The following SEMA3D variants were observed in gnomAD, a reference collection of about 807,000 sequenced individuals.
The protein encoded by SEMA3D is semaphorin 3D.
Under a neutral mutation model 100.1 loss-of-function variants are expected in SEMA3D, and 84 were observed. The ratio of observed to expected loss-of-function variants is 0.84; its 90% CI spans 0.70 to 1.01. The LOEUF is 1.01. Ranked by LOEUF, SEMA3D falls within the 50% of genes least tolerant of loss-of-function variation. The pLI, the probability that SEMA3D is intolerant of heterozygous loss-of-function variation, is 0.00. For synonymous variants in SEMA3D, 312 were observed against 320.7 expected (o/e 0.97, Z 0.29); for missense variants, 875 against 934.1 (o/e 0.94, Z 0.82).
intron 9 of SEMA3D, among the ~76,000 whole-genome samples, chr7:85,042,737 T>G (rs1218098405): frequency 1.3e-5 from 2 of 152,122 alleles, no homozygotes; most frequent in African/African-American, 4.8e-5. Flanking sequence ...CAGTAATTAT[T>G]CACAGGCAAG....
At chr7:85,243,604 CTTG>C in the SEMA3D span, among the ~76,000 whole-genome samples, 4 of 152,178 alleles carry the variant, frequency 2.6e-5, no homozygotes, top group South Asian at 4.1e-4. Context: ...CAGCTTTTTA[CTTG>C]TTGTTAAGAT....
the SEMA3D span, among the ~76,000 whole-genome samples, chr7:85,209,501 T>C: frequency 1.3e-5 from 2 of 152,020 alleles, no homozygotes; most frequent in Non-Finnish European, 2.9e-5. Flanking sequence ...ACCATCATAA[T>C]GCATCACCAC....
the SEMA3D span, among the ~76,000 whole-genome samples, chr7:85,204,518 T>C: frequency 6.6e-6 from 1 of 152,056 alleles, no homozygotes; most frequent in Non-Finnish European, 1.5e-5. Flanking sequence ...TACTAAGTAA[T>C]AACAATTTTA....
At chr7:85,048,553 C>T (rs1791072048) in intron 9 of SEMA3D, among the ~76,000 whole-genome samples, 1 of 151,828 alleles carries the variant, frequency 6.6e-6, no homozygotes, top group Admixed American at 6.6e-5. Flanking sequence ...TGTTTTGATA[C>T]ATTAAGTGAA....
At chr7:85,236,263 G>GTATTT in the SEMA3D span, among the ~76,000 whole-genome samples, 441 of 142,214 alleles carry the variant, frequency 3.1e-3, 1 homozygote, top group African/African-American at 1.0e-2. Flanking sequence ...AGATGATTTA[G>GTATTT]TATTTTATTT....
chr7:85,031,814 A>C (rs1243067219), intron 12 of SEMA3D, among the ~76,000 whole-genome samples: 1 of 151,990 alleles, frequency 6.6e-6, no homozygotes, highest in Non-Finnish European at 1.5e-5. Context: ...TTTGATCAAA[A>C]TATTCTGGAT....
In SEMA3D at chr7:85,068,218, G is replaced by A; in HGVS notation, c.562C>T (p.Gln188Ter). Residue 188 changes from glutamine to a stop codon, truncating the protein, a stop_gained, in exon 7 of 19, where the codon CAG becomes TAG. Transcript: ENST00000284136. LOFTEE classifies it high-confidence loss of function. Reference sequence around the variant, plus strand: ...GTCATTACTGAAGCAAAAGGCTGCTGAGGATCGAAAGGACATTTCAGTCTG... The same window carrying A: ...GTCATTACTGAAGCAAAAGGCTGCTAAGGATCGAAAGGACATTTCAGTCTG... ...SGRLKCPFDPQQPFASVMTDE... is the reference protein window; with the variant it reads ...SGRLKCPFDP The A allele has an allele frequency of 6.2e-7, 1 of 1,606,154 alleles. No homozygotes were observed. Among genetic ancestry groups the A allele is most frequent in the South Asian group, 1.1e-5 (1 of 90,902 alleles).
At chr7:85,231,758 C>G in the SEMA3D span, among the ~76,000 whole-genome samples, 1 of 152,062 alleles carries the variant, frequency 6.6e-6, no homozygotes, top group Non-Finnish European at 1.5e-5. Context: ...CCTGGGGTTT[C>G]TTATACAGTA....
chr7:85,042,074 A>G (rs1230439421), intron 10 of SEMA3D, 97 bp downstream of exon 10: 1 of 881,096 alleles, frequency 1.1e-6, no homozygotes, highest in African/African-American at 1.7e-5. Context: ...TGCTCAGGTA[A>G]AATTAATCAG....
At chr7:85,193,592 T>G in the SEMA3D span, among the ~76,000 whole-genome samples, 1 of 152,090 alleles carries the variant, frequency 6.6e-6, no homozygotes, top group Admixed American at 6.6e-5. Flanking sequence ...CCTACCACTT[T>G]GCAAGTAGAA....
In SEMA3D at chr7:85,080,193, T is replaced by C. The variant is rs76766590; in HGVS notation, c.375+1324A>G. ...CAACTATTTTGCTTTGTATTTACTA[T>C]GTAGAAGTCATCATTTGAGCAGTAT... On this transcript the variant is annotated intron_variant, in intron 5 of 18. Coordinates refer to ENST00000284136, the MANE Select transcript of SEMA3D (RefSeq NM_001384900.1). 5.0e-3 allele frequency among the ~76,000 whole-genome samples: 762 copies of C among 152,338 alleles called. 10 individuals carry two copies. Among genetic ancestry groups the C allele is most frequent in the African/African-American group, 0.018 (731 of 41,576 alleles).
chr7:85,072,690 G>A (rs1423589063), intron 6 of SEMA3D, among the ~76,000 whole-genome samples: 1 of 152,132 alleles, frequency 6.6e-6, no homozygotes, highest in Non-Finnish European at 1.5e-5. Context: ...CTAGGAACAT[G>A]AGTTACTATA....
chr7:85,053,793 T>C (rs1473157738), intron 9 of SEMA3D, among the ~76,000 whole-genome samples: 1 of 152,052 alleles, frequency 6.6e-6, no homozygotes, highest in African/African-American at 2.4e-5. Context: ...ATACACTAAT[T>C]AATGAAGAAC....
chr7:85,108,341 C>A (rs186492089), intron 3 of SEMA3D, among the ~76,000 whole-genome samples: 1 of 151,964 alleles, frequency 6.6e-6, no homozygotes, highest in Non-Finnish European at 1.5e-5. Context: ...TTATTGCCAT[C>A]TTATTAATAA....
chr7:85,182,558 A>G (rs1484443186), intron 1 of SEMA3D, among the ~76,000 whole-genome samples: 1 of 152,192 alleles, frequency 6.6e-6, no homozygotes, highest in African/African-American at 2.4e-5. Flanking sequence ...CTAGTAAGAG[A>G]TCATAACAAC....
intron 1 of SEMA3D, among the ~76,000 whole-genome samples, chr7:85,174,839 C>G (rs1405351130): frequency 1.3e-5 from 2 of 152,036 alleles, no homozygotes; most frequent in African/African-American, 4.8e-5. Flanking sequence ...GTAGCCAGAG[C>G]CCCTTAGGGA....
the SEMA3D span, among the ~76,000 whole-genome samples, chr7:85,230,421 A>C: frequency 1.3e-5 from 2 of 152,164 alleles, no homozygotes; most frequent in East Asian, 1.9e-4. Context: ...CAATCCTTCA[A>C]GGATCCTCAG....
chr7:85,100,964 A>AT (rs2116326481), intron 3 of SEMA3D, among the ~76,000 whole-genome samples: 1 of 152,008 alleles, frequency 6.6e-6, no homozygotes, highest in East Asian at 1.9e-4. Context: ...GATACTAATT[A>AT]TTTTTCTATT....
At chr7:85,143,830 C>T (rs1790124616) in intron 2 of SEMA3D, among the ~76,000 whole-genome samples, 1 of 151,592 alleles carries the variant, frequency 6.6e-6, no homozygotes, top group Non-Finnish European at 1.5e-5. Flanking sequence ...CAAGCTTCAG[C>T]CTCCCGAGTA....
Sources: gnomAD v4.1 joint callset for allele counts (sites outside exome capture counted in the v4.1 genomes callset) on GRCh38, gnomAD v4.1.1 for gene constraint, MANE v1.5 for transcripts, NCBI Gene and HGNC (gene_info 2026-07-23, HGNC 2026-07-21) for gene names.